SMYD3: variants seen among roughly 807,000 people sequenced by gnomAD.
SMYD3 encodes the protein histone-lysine N-methyltransferase SMYD3.
Under a neutral mutation model 57.7 loss-of-function variants are expected in SMYD3, and 36 were observed. The observed-to-expected ratio is 0.62, with a 90% CI of 0.48 to 0.82. The LOEUF (loss-of-function observed/expected upper bound fraction) is 0.82. Among genes scored for constraint, SMYD3 ranks in the 40% least tolerant of loss-of-function variants. SMYD3 has a pLI of 0.00. For missense variants in SMYD3, 515 were observed against 538.8 expected (o/e 0.96, Z 0.44); for synonymous variants, 211 against 195.0 (o/e 1.08, Z -0.68).
intron 1 of SMYD3, among the ~76,000 whole-genome samples, chr1:246,400,015 T>C (rs2066742255): frequency 6.6e-6 from 1 of 152,212 alleles, no homozygotes; most frequent in African/African-American, 2.4e-5. Context: ...ATACTAAAGT[T>C]GTATGCTAAA....
chr1:245,774,900 A>G lies in SMYD3; in HGVS notation c.1077-10751T>C, dbSNP rs55639325. On this transcript the variant is annotated intron_variant, in intron 10 of 11. Transcript: ENST00000490107. ...ATTTTTTTGGTGGAGACGGGGTTTCACTGTGTTGGCCGGGCTGGTCTCCAG... is the reference window on the plus strand; with the variant it reads ...ATTTTTTTGGTGGAGACGGGGTTTCGCTGTGTTGGCCGGGCTGGTCTCCAG... Among the ~76,000 whole-genome samples the G allele has an allele frequency of 6.8e-4, 103 of 151,474 alleles. 1 individual carries two copies. The highest frequency in any genetic ancestry group is 2.2e-3 in the East Asian group (11 of 5,090).
At chr1:246,381,918 G>C (rs1411509409) in intron 1 of SMYD3, among the ~76,000 whole-genome samples, 1 of 115,456 alleles carries the variant, frequency 8.7e-6, no homozygotes, top group African/African-American at 3.4e-5. Context: ...GGCCCACCGC[G>C]GGCTCCAGGT....
At chr1:245,889,502 T>A (rs2148577141) in intron 8 of SMYD3, among the ~76,000 whole-genome samples, 1 of 152,294 alleles carries the variant, frequency 6.6e-6, no homozygotes, top group Admixed American at 6.5e-5. Context: ...GTTTTCAGAC[T>A]TAGGGTCAAA....
chr1:245,787,349 C>G (rs78200434), intron 10 of SMYD3, among the ~76,000 whole-genome samples: 5 of 152,124 alleles, frequency 3.3e-5, no homozygotes, highest in Non-Finnish European at 5.9e-5. Context: ...CGTAAGTTCC[C>G]GCGGGGGCAG....
intron 10 of SMYD3, among the ~76,000 whole-genome samples, chr1:245,793,095 A>AGG (rs1558344087): frequency 1.1e-4 from 16 of 145,686 alleles, no homozygotes; most frequent in African/African-American, 2.3e-4. Flanking sequence ...TGATCACGAA[A>AGG]TCAGGAGATC....
intron 1 of SMYD3, among the ~76,000 whole-genome samples, chr1:246,402,139 C>A (rs7520100): frequency 6.6e-6 from 1 of 152,128 alleles, no homozygotes; most frequent in South Asian, 2.1e-4. Context: ...TGGCAAAAGA[C>A]AGAGTTGTGA....
intron 7 of SMYD3, among the ~76,000 whole-genome samples, chr1:245,919,166 TGA>T (rs2055675893): frequency 6.6e-6 from 1 of 152,202 alleles, no homozygotes; most frequent in South Asian, 2.1e-4. Context: ...TAAACTGCTT[TGA>T]GAGAGATCTT....
chr1:245,851,192 G>A (rs993577407), intron 10 of SMYD3, among the ~76,000 whole-genome samples: 3 of 152,138 alleles, frequency 2.0e-5, no homozygotes, highest in African/African-American at 7.2e-5. Flanking sequence ...GTTGTCAAAG[G>A]CCTGGTTTTC....
At chr1:246,448,030 T>C (rs753371752) in intron 1 of SMYD3, among the ~76,000 whole-genome samples, 8 of 152,200 alleles carry the variant, frequency 5.3e-5, no homozygotes, top group Non-Finnish European at 1.2e-4. Context: ...CCCTAAGACC[T>C]TTGGCATATG....
chr1:245,976,021 T>C (rs374802362), intron 5 of SMYD3, among the ~76,000 whole-genome samples: 15 of 9,788 alleles, frequency 1.5e-3, no homozygotes, highest in African/African-American at 3.5e-3. Context: ...GTCTCTAGCC[T>C]AGGGAAAGCC....
chr1:246,055,225 G>A (rs1022645520), intron 5 of SMYD3, among the ~76,000 whole-genome samples: 1 of 152,058 alleles, frequency 6.6e-6, no homozygotes, highest in African/African-American at 2.4e-5. Flanking sequence ...TAGAGAAACT[G>A]GAAGCCTTGT....
At chr1:246,406,544 G>A (rs921446479) in intron 1 of SMYD3, among the ~76,000 whole-genome samples, 11 of 152,038 alleles carry the variant, frequency 7.2e-5, no homozygotes, top group African/African-American at 2.4e-4. Flanking sequence ...TTGCCTTTTC[G>A]CTCTTCTTGT....
At chr1:246,474,389 C>G (rs1329433042) in intron 1 of SMYD3, among the ~76,000 whole-genome samples, 3 of 151,826 alleles carry the variant, frequency 2.0e-5, no homozygotes, top group African/African-American at 4.8e-5. Context: ...CGTGGTGGCA[C>G]GTGCCTATAG....
chr1:246,289,731 T>A (rs1176761609), intron 5 of SMYD3, among the ~76,000 whole-genome samples: 6 of 152,198 alleles, frequency 3.9e-5, no homozygotes, highest in Admixed American at 1.3e-4. Flanking sequence ...TGGGTGCTAG[T>A]GGCTAGAGGA....
chr1:245,923,445 C>T (rs1445534484), intron 7 of SMYD3, among the ~76,000 whole-genome samples: 1 of 152,178 alleles, frequency 6.6e-6, no homozygotes, highest in Non-Finnish European at 1.5e-5. Context: ...AAACCAAGGT[C>T]TGTGATAAGG....
rs1248031236 is a variant in SMYD3, at chr1:245,821,410, G to T, written c.1076+37086C>A. ...AAAAATCAATTCAAGATTGATTAAA[G>T]ACTTAAATGTTAGACCTAAAACCAT... On this transcript the variant is annotated intron_variant, in intron 10 of 11. Transcript: ENST00000490107. Among the ~76,000 whole-genome samples, 5 of 150,562 alleles carry T rather than the reference G, an allele frequency of 3.3e-5. 1 individual carries two copies. The highest frequency in any genetic ancestry group is 7.4e-5 in the Non-Finnish European group (5 of 67,582).
chr1:245,755,388 T>C (rs934627698), intron 11 of SMYD3, among the ~76,000 whole-genome samples: 1 of 152,248 alleles, frequency 6.6e-6, no homozygotes, highest in African/African-American at 2.4e-5. Context: ...GTTTTCTAAA[T>C]GTCAGGTCCC....
chr1:245,750,447 T>A (rs1384767515), intron 11 of SMYD3, among the ~76,000 whole-genome samples: 1 of 152,146 alleles, frequency 6.6e-6, no homozygotes, highest in Non-Finnish European at 1.5e-5. Flanking sequence ...GCACCAGACA[T>A]GTACATAAAT....
intron 5 of SMYD3, among the ~76,000 whole-genome samples, chr1:246,205,689 G>A (rs144919728): frequency 0.014 from 2,169 of 152,134 alleles, 52 homozygotes; most frequent in African/African-American, 0.049. Context: ...GCATGGTGGC[G>A]AGCGCCTGTA....
Sources: gnomAD v4.1 joint callset for allele counts (sites outside exome capture counted in the v4.1 genomes callset) on GRCh38, gnomAD v4.1.1 for gene constraint, MANE v1.5 for transcripts, NCBI Gene and HGNC (gene_info 2026-07-23, HGNC 2026-07-21) for gene names.